The following BLCAP variants were observed in gnomAD, a reference collection of about 807,000 sequenced individuals.
The protein encoded by BLCAP is apoptosis inducing factor BLCAP.
A neutral mutation model predicts 5.7 loss-of-function variants in BLCAP; 1 was observed. The ratio of observed to expected loss-of-function variants is 0.18; its 90% confidence interval spans 0.06 to 0.83. BLCAP has a LOEUF of 0.83. Among genes scored for constraint, BLCAP ranks in the 40% least tolerant of loss-of-function variants. The pLI is 0.71. For missense variants in BLCAP, 66 were observed against 107.6 expected, an observed-to-expected ratio of 0.61 and a Z score of 1.71; for synonymous variants, 48 against 49.4, an observed-to-expected ratio of 0.97 and a Z score of 0.11.
intron 1 of BLCAP, chr20:37,520,254 C>G (rs1334381641): frequency 1.3e-5 from 2 of 152,280 alleles, no homozygotes; most frequent in Non-Finnish European, 2.9e-5. Context: ...TTCCGGTCTT[C>G]CCGCCCGAAA....
At chr20:37,526,067 C>T (rs1440220209) in intron 1 of BLCAP, among the ~76,000 whole-genome samples, 1 of 152,150 alleles carries the variant, frequency 6.6e-6, no homozygotes, top group African/African-American at 2.4e-5. Context: ...TTACCTTTAT[C>T]TGTGGAATAT....
rs2147182810 is a variant in BLCAP, at chr20:37,519,229, G to A, written c.-55C>T. 2.6e-6 allele frequency: 4 copies of A among 1,512,814 alleles called. No homozygotes were observed. The South Asian group carries it at 3.8e-5, about 14-fold the overall frequency. The allele number at this position is 1,512,814 out of a possible 1,614,324, so 93.7% of individuals were successfully genotyped here. A position where few individuals can be genotyped will look rare whatever the true frequency, so the allele number is the denominator to read the frequency against. On this transcript the variant is annotated 5_prime_UTR_variant, in exon 2 of 2. Coordinates refer to ENST00000373537, the MANE Select transcript of BLCAP (RefSeq NM_006698.4). ...GCTGCCGGGCACCGCTGCAGGAACC[G>A]ACCTAATGGGAGCCAGCGGGCGCAG...
intron 1 of BLCAP, among the ~76,000 whole-genome samples, chr20:37,526,271 T>TCCCCCCCCACCCCCCCCCCCC (rs2071716922): frequency 8.0e-6 from 1 of 125,184 alleles, no homozygotes; most frequent in Non-Finnish European, 1.7e-5. Context: ...GCAGTTAACT[T>TCCCCCCCCACCCCCCCCCCCC]CCCCCCCCCA....
intron 1 of BLCAP, among the ~76,000 whole-genome samples, chr20:37,525,602 T>C (rs6090836): frequency 0.81 from 123,437 of 152,222 alleles, 50,465 homozygotes; most frequent in East Asian, 0.99. Flanking sequence ...CCCACAAAAC[T>C]TCATGTTCTG....
At chr20:37,527,127 C>G (rs1403902002) in intron 1 of BLCAP, 5 of 152,228 alleles carry the variant, frequency 3.3e-5, no homozygotes, top group African/African-American at 4.8e-5. Context: ...TCCCCCATCC[C>G]CCATGCTTCC....
At position 37,522,000 on chromosome 20, in the gene BLCAP, C is replaced by G. The variant is rs930691416; in HGVS notation, c.-176-2650G>C. Among the ~76,000 whole-genome samples, 1 of 148,348 alleles carries G rather than the reference C, an allele frequency of 6.7e-6. No homozygotes were observed. Among genetic ancestry groups the G allele is most frequent in the Admixed American group, 6.7e-5 (1 of 15,002 alleles). On this transcript the variant is annotated intron_variant, in intron 1 of 1. Coordinates refer to ENST00000373537, the MANE Select transcript of BLCAP (RefSeq NM_006698.4). This position sits in a 1 kb window ranked among gnomAD's most constrained non-coding sequence, Gnocchi z 4.5. ...AGGAAAAATAAATCGGAGAAAAGCACTTGGCAGAAAAAAATGCATTAGATT... is the reference window on the plus strand; with the variant it reads ...AGGAAAAATAAATCGGAGAAAAGCAGTTGGCAGAAAAAAATGCATTAGATT...
intron 1 of BLCAP, 64 bp from the exon 2 acceptor site, chr20:37,519,414 A>AAG (rs1334703478): frequency 3.3e-6 from 1 of 305,956 alleles, no homozygotes; most frequent in Non-Finnish European, 5.7e-6. Context: ...CAAAAAAAAA[A>AAG]AAAAAAAAAG....
intron 1 of BLCAP, among the ~76,000 whole-genome samples, chr20:37,527,305 A>C (rs2071739973): frequency 6.6e-6 from 1 of 151,816 alleles, no homozygotes; most frequent in Non-Finnish European, 1.5e-5. Flanking sequence ...CACCCCAGAC[A>C]CCGAAGCGGA....
chr20:37,521,494 C>G lies in BLCAP; in HGVS notation c.-176-2144G>C, dbSNP rs2071571320. ...GCGTCGCGATTGCCGCTTCCCGGAC[C>G]CGTCCTATTCCGATTGCCGCGATCC... On this transcript the variant is annotated intron_variant, in intron 1 of 1. Coordinates refer to ENST00000373537, the MANE Select transcript of BLCAP (RefSeq NM_006698.4). This position sits in a 1 kb window ranked among gnomAD's most constrained non-coding sequence, Gnocchi z 4.5. 7.8e-7 allele frequency: 1 copy of G among 1,277,954 alleles called. No homozygotes were observed. The highest frequency in any genetic ancestry group is 1.1e-6 in the Non-Finnish European group (1 of 879,790). The allele number at this position is 1,277,954 out of a possible 1,614,324, so 79.2% of individuals were successfully genotyped here.
intron 1 of BLCAP, chr20:37,522,903 A>T (rs1439081660): frequency 3.1e-6 from 2 of 649,532 alleles, no homozygotes; most frequent in Admixed American, 5.9e-5. Flanking sequence ...GTGAGGGGCC[A>T]GTAGACCCCC....
In BLCAP at chr20:37,521,547, C is replaced by G; in HGVS notation, c.-176-2197G>C. ...GCCTGCCCAAGTGCCGCTGCCGGCA[C>G]CGCGCGCCCCCTGCCCATTCCCTGC... On this transcript the variant is annotated intron_variant, in intron 1 of 1. Coordinates refer to ENST00000373537, the MANE Select transcript of BLCAP (RefSeq NM_006698.4). The surrounding 1 kb of genome is among the most constrained non-coding windows in gnomAD (Gnocchi z 4.5). 5.1e-6 allele frequency: 4 copies of G among 791,706 alleles called. No individual in the cohort carries two copies. Among genetic ancestry groups the G allele is most frequent in the Non-Finnish European group, 8.4e-6 (4 of 479,032 alleles). The allele number at this position is 791,706 out of a possible 1,614,324, so 49.0% of individuals were successfully genotyped here. A position where few individuals can be genotyped will look rare whatever the true frequency, so the allele number is the denominator to read the frequency against.
chr20:37,525,383 T>C (rs1291239717), intron 1 of BLCAP, among the ~76,000 whole-genome samples: 1 of 152,214 alleles, frequency 6.6e-6, no homozygotes, highest in East Asian at 1.9e-4. Flanking sequence ...GCACCTCTTG[T>C]GCCCCCACTT....
intron 1 of BLCAP, chr20:37,522,762 C>A (rs1400912430): frequency 6.3e-7 from 1 of 1,595,078 alleles, no homozygotes; most frequent in Non-Finnish European, 8.5e-7. Context: ...CCAACTGAGG[C>A]CCCAGCTCCC....
At chr20:37,525,296 C>T (rs1218837908) in intron 1 of BLCAP, among the ~76,000 whole-genome samples, 1 of 152,248 alleles carries the variant, frequency 6.6e-6, no homozygotes, top group African/African-American at 2.4e-5. Context: ...GCTCTAACCT[C>T]AGCCCAAGTG....
chr20:37,524,952 T>C (rs1416420767), intron 1 of BLCAP, among the ~76,000 whole-genome samples: 4 of 152,180 alleles, frequency 2.6e-5, no homozygotes, highest in African/African-American at 7.2e-5. Flanking sequence ...CGCTAGAAAC[T>C]GCCATAGCAG....
intron 1 of BLCAP, among the ~76,000 whole-genome samples, chr20:37,525,470 C>G (rs893062654): frequency 6.6e-6 from 1 of 152,234 alleles, no homozygotes; most frequent in Non-Finnish European, 1.5e-5. Flanking sequence ...ATCCGTCCAT[C>G]AGCAGGGCTG....
intron 1 of BLCAP, chr20:37,522,694 G>A (rs1218987541): frequency 6.2e-7 from 1 of 1,612,270 alleles, no homozygotes; most frequent in East Asian, 2.2e-5. Context: ...GCAGAAGCTG[G>A]CATACACGGT....
intron 1 of BLCAP, among the ~76,000 whole-genome samples, chr20:37,524,772 T>C (rs1417270508): frequency 6.6e-6 from 1 of 152,178 alleles, no homozygotes; most frequent in Admixed American, 6.5e-5. Flanking sequence ...TAAAGGCATC[T>C]AAAACTTCAT....
intron 1 of BLCAP, among the ~76,000 whole-genome samples, chr20:37,520,911 G>A (rs529119205): frequency 1.3e-5 from 2 of 152,242 alleles, no homozygotes; most frequent in Admixed American, 6.5e-5. Flanking sequence ...GAGTGGCACC[G>A]GAGACTGAGC....
Sources: allele counts gnomAD v4.1 joint callset (sites outside exome capture counted in the v4.1 genomes callset), GRCh38; gene constraint gnomAD v4.1.1; non-coding constraint Gnocchi (gnomAD v3.1); transcripts MANE v1.5; gene names NCBI Gene and HGNC (gene_info 2026-07-23, HGNC 2026-07-21).